PTPRD: variants seen among roughly 807,000 people sequenced by gnomAD.
PTPRD encodes the protein protein tyrosine phosphatase receptor type D.
In PTPRD, 34 loss-of-function variants were observed where a neutral mutation model predicts 214.5. The ratio of observed to expected loss-of-function variants is 0.16; its 90% CI spans 0.12 to 0.21. The LOEUF is 0.21. Among genes scored for constraint, PTPRD ranks in the 10% least tolerant of loss-of-function variants. The pLI is 1.00. For synonymous variants in PTPRD, 1,128 were observed against 845.7 expected (o/e 1.33, Z -5.79); for missense variants, 2,545 against 2,398.7 (o/e 1.06, Z -1.27).
At chr9:10,058,401 C>T (rs1310685616) in intron 3 of PTPRD, among the ~76,000 whole-genome samples, 3 of 151,946 alleles carry the variant, frequency 2.0e-5, no homozygotes, top group African/African-American at 7.3e-5. Context: ...CCCTCACTTC[C>T]CTTTAAAAAA....
chr9:8,347,446 C>T (rs1169466777), intron 39 of PTPRD, among the ~76,000 whole-genome samples: 1 of 152,108 alleles, frequency 6.6e-6, no homozygotes, highest in African/African-American at 2.4e-5. Flanking sequence ...CCTGTCGGAG[C>T]TTACAGTTTA....
At chr9:8,969,225 G>A (rs1397002003) in intron 11 of PTPRD, among the ~76,000 whole-genome samples, 7 of 152,112 alleles carry the variant, frequency 4.6e-5, no homozygotes, top group Non-Finnish European at 8.8e-5. Flanking sequence ...AAGCCGAATC[G>A]TGCCAAGTGT....
intron 7 of PTPRD, among the ~76,000 whole-genome samples, chr9:9,718,438 G>A (rs1354393949): frequency 6.6e-6 from 1 of 152,110 alleles, no homozygotes; most frequent in Non-Finnish European, 1.5e-5. Flanking sequence ...GATGGGGGAG[G>A]GGAACAGGTG....
At chr9:9,869,803 A>G (rs1361090728) in intron 5 of PTPRD, among the ~76,000 whole-genome samples, 1 of 151,928 alleles carries the variant, frequency 6.6e-6, no homozygotes, top group Non-Finnish European at 1.5e-5. Context: ...AGAGGAAAAG[A>G]AAGGAGACAT....
At chr9:9,054,278 T>C (rs915615003) in intron 10 of PTPRD, among the ~76,000 whole-genome samples, 1 of 152,190 alleles carries the variant, frequency 6.6e-6, no homozygotes, top group Admixed American at 6.5e-5. Flanking sequence ...CACGAATAAA[T>C]GAGGAATTCA....
At chr9:10,080,909 A>G (rs1179448712) in intron 3 of PTPRD, among the ~76,000 whole-genome samples, 1 of 152,120 alleles carries the variant, frequency 6.6e-6, no homozygotes, top group Non-Finnish European at 1.5e-5. Context: ...AATACATCTG[A>G]TAATTAAAAT....
chr9:9,690,946 G>A (rs923435996), intron 7 of PTPRD, among the ~76,000 whole-genome samples: 1 of 151,804 alleles, frequency 6.6e-6, no homozygotes, highest in Admixed American at 6.6e-5. Context: ...GCAATTCAGG[G>A]TGTTTTATGG....
At position 9,821,137 on chromosome 9, in the gene PTPRD, A is replaced by G. The variant is rs147473076; in HGVS notation, c.-367-54286T>C. On this transcript the variant is annotated intron_variant, in intron 5 of 45. Coordinates refer to ENST00000381196, the MANE Select transcript of PTPRD (RefSeq NM_002839.4). ...AAATTTTTTCCCATTTGTGTCATCT[A>G]TGTTTTCTGTTAAGTATTTTTGTGT... Among the ~76,000 whole-genome samples the G allele has an allele frequency of 1.3e-3, 191 of 151,982 alleles. 3 individuals are homozygous for G. In the South Asian group the frequency reaches 0.013, roughly 10 times the overall value.
At chr9:10,510,881 A>G (rs1388389211) in intron 2 of PTPRD, among the ~76,000 whole-genome samples, 6 of 152,136 alleles carry the variant, frequency 3.9e-5, no homozygotes. Flanking sequence ...AGCCTCTGGT[A>G]ATCACCATTC....
chr9:8,458,680 G>A (rs556084488), intron 33 of PTPRD, among the ~76,000 whole-genome samples: 144 of 152,180 alleles, frequency 9.5e-4, no homozygotes, highest in African/African-American at 3.3e-3. Context: ...GATTACTCAC[G>A]GGGCAGGTGT....
chr9:9,568,880 C>G (rs2085437769), intron 8 of PTPRD, among the ~76,000 whole-genome samples: 1 of 151,656 alleles, frequency 6.6e-6, no homozygotes, highest in African/African-American at 2.4e-5. Flanking sequence ...CCTATGGGTC[C>G]CTGTTAGCTG....
intron 2 of PTPRD, among the ~76,000 whole-genome samples, chr9:10,550,180 C>A (rs541482868): frequency 1.6e-4 from 25 of 152,344 alleles, no homozygotes; most frequent in African/African-American, 5.8e-4. Flanking sequence ...ATAACTTTCA[C>A]TACAGTTTCC....
chr9:9,444,893 T>A (rs893585591), intron 8 of PTPRD, among the ~76,000 whole-genome samples: 2 of 152,194 alleles, frequency 1.3e-5, no homozygotes, highest in African/African-American at 4.8e-5. Flanking sequence ...TAAATGTAAA[T>A]TGACCCTACT....
intron 11 of PTPRD, among the ~76,000 whole-genome samples, chr9:8,948,543 T>TTATATATATATTTATATATATATTTA (rs1228234537): frequency 6.4e-5 from 2 of 31,172 alleles, no homozygotes; most frequent in African/African-American, 8.8e-5. Flanking sequence ...ATATATATAT[T>TTATATATATATTTATATATATATTTA]TATATATATT....
chr9:9,478,750 A>T (rs989325218), intron 8 of PTPRD, among the ~76,000 whole-genome samples: 3 of 152,182 alleles, frequency 2.0e-5, no homozygotes, highest in Admixed American at 1.3e-4. Context: ...TTGAAAAAAA[A>T]TTTTAAAACC....
chr9:8,680,235 G>A (rs1481107916), intron 12 of PTPRD, among the ~76,000 whole-genome samples: 2 of 152,042 alleles, frequency 1.3e-5, no homozygotes, highest in Non-Finnish European at 2.9e-5. Context: ...AAGCAAAAGC[G>A]CTAACACTGG....
intron 7 of PTPRD, among the ~76,000 whole-genome samples, chr9:9,696,391 G>A (rs1011587422): frequency 1.3e-5 from 2 of 152,014 alleles, no homozygotes; most frequent in Non-Finnish European, 2.9e-5. Context: ...TCATTACTGC[G>A]AGAGAGGTGT....
rs34699954 is a variant in PTPRD, at chr9:8,832,104, A to ATGTG, written c.-103-98162_-103-98159dup. Among the ~76,000 whole-genome samples the ATGTG allele has an allele frequency of 3.5e-3, 527 of 148,872 alleles. 5 individuals are homozygous for ATGTG. Among genetic ancestry groups the ATGTG allele is most frequent in the East Asian group, 0.021 (103 of 4,996 alleles). On this transcript the variant is annotated intron_variant, in intron 11 of 45. Coordinates refer to ENST00000381196, the MANE Select transcript of PTPRD (RefSeq NM_002839.4). Reference sequence around the variant, plus strand: ...CGGTGATTTAAATATGTATGTGTATATGTGTGTGTGTGTGTGTGTGTGTGT... The same window carrying ATGTG: ...CGGTGATTTAAATATGTATGTGTATATGTGTGTGTGTGTGTGTGTGTGTGTGTGT...
intron 2 of PTPRD, among the ~76,000 whole-genome samples, chr9:10,482,326 G>C (rs980255985): frequency 1.5e-4 from 23 of 152,086 alleles, no homozygotes; most frequent in South Asian, 6.2e-4. Context: ...AGCCGAGATG[G>C]CGCCACTGCA....
Sources: allele counts gnomAD v4.1 joint callset (sites outside exome capture counted in the v4.1 genomes callset), GRCh38; gene constraint gnomAD v4.1.1; transcripts MANE v1.5; gene names NCBI Gene and HGNC (gene_info 2026-07-23, HGNC 2026-07-21).